The following STRN variants were observed in gnomAD, a reference collection of about 807,000 sequenced individuals.
The protein encoded by STRN is protein phosphatase 2 regulatory subunit B'''alpha.
In STRN, 53 loss-of-function variants were observed where a neutral mutation model predicts 96.3. The ratio of observed to expected loss-of-function variants is 0.55; its 90% CI spans 0.44 to 0.69. The LOEUF is 0.69. Ranked by LOEUF, STRN falls within the 30% of genes least tolerant of loss-of-function variation. STRN has a pLI of 0.00. For synonymous variants in STRN, 428 were observed against 355.9 expected (o/e 1.20, Z -2.28); for missense variants, 987 against 963.9 (o/e 1.02, Z -0.32).
At chr2:36,866,023 G>C (rs1344928327) in intron 12 of STRN, among the ~76,000 whole-genome samples, 1 of 152,092 alleles carries the variant, frequency 6.6e-6, no homozygotes, top group Non-Finnish European at 1.5e-5. Flanking sequence ...TCAGGAGCTG[G>C]TTAATTTCCA....
intron 2 of STRN, among the ~76,000 whole-genome samples, chr2:36,919,931 T>C (rs958982774): frequency 3.9e-5 from 6 of 152,226 alleles, no homozygotes; most frequent in African/African-American, 1.4e-4. Context: ...AATGCTTTGA[T>C]AAATCCACTG....
rs762068497 is a variant in STRN, at chr2:36,899,540, C to G, written c.778G>C (p.Val260Leu). 1 of 1,611,922 alleles carries G rather than the reference C, an allele frequency of 6.2e-7. No homozygotes were observed. The highest frequency in any genetic ancestry group is 8.5e-7 in the Non-Finnish European group (1 of 1,179,514). Residue 260 changes from valine to leucine, a missense_variant, in exon 6 of 18, where the codon GTC becomes CTC. Val to Leu is a conservative substitution (Grantham distance 32). Coordinates refer to ENST00000263918, the MANE Select transcript of STRN (RefSeq NM_003162.4). ...DDDVDGREKS[V>L]IDTSTIVRKK... ...TAACTCACTGTTGAAGTATCAATGA[C>G]GCTTTTCTCTCTTCCATCAACATCA...
At chr2:36,873,477 C>T (rs910717127) in intron 10 of STRN, among the ~76,000 whole-genome samples, 6 of 152,016 alleles carry the variant, frequency 3.9e-5, no homozygotes, top group African/African-American at 1.4e-4. Context: ...GGAGGAGAGC[C>T]TGAGCCCAGA....
Position 36,850,990 on chromosome 2 carries a change from A to C in STRN, c.2086+10T>G, listed in dbSNP as rs756829601. ...GCTTTAATAAAAATCAATTCTTAAT[A>C]AATTCTTACCTGTATTGTTATCATA... On this transcript the variant is annotated intron_variant, in intron 16 of 17. Transcript: ENST00000263918. The C allele has an allele frequency of 1.9e-6, 3 of 1,557,676 alleles. No individual in the cohort carries two copies. Among genetic ancestry groups the C allele is most frequent in the South Asian group, 1.2e-5 (1 of 82,508 alleles).
At position 36,849,424 on chromosome 2, in the gene STRN, A is replaced by G. The variant is rs753020881; in HGVS notation, c.*32T>C. Reference sequence around the variant, plus strand: ...CTCTTGTGTGCAGTTGATTACTTATAAACAGCTAGAAGGTGAAGATGATGC... The same window carrying G: ...CTCTTGTGTGCAGTTGATTACTTATGAACAGCTAGAAGGTGAAGATGATGC... On this transcript the variant is annotated 3_prime_UTR_variant, in exon 18 of 18. Coordinates refer to ENST00000263918, the MANE Select transcript of STRN (RefSeq NM_003162.4). 4.3e-6 allele frequency: 7 copies of G among 1,610,452 alleles called. No homozygotes were observed. Among genetic ancestry groups the G allele is most frequent in the Non-Finnish European group, 8.5e-7 (1 of 1,177,976 alleles).
chr2:36,953,396 A>C (rs1020482174), intron 1 of STRN, among the ~76,000 whole-genome samples: 2 of 149,494 alleles, frequency 1.3e-5, no homozygotes, highest in African/African-American at 4.9e-5. Context: ...TTATACAGAT[A>C]AGGTCCTTTT....
chr2:36,882,033 T>C (rs1669085361), intron 9 of STRN, among the ~76,000 whole-genome samples: 1 of 152,222 alleles, frequency 6.6e-6, no homozygotes. Flanking sequence ...TGTTGATTCT[T>C]TGTATGGGTA....
At chr2:36,930,419 G>A (rs771222147) in intron 1 of STRN, among the ~76,000 whole-genome samples, 7 of 149,316 alleles carry the variant, frequency 4.7e-5, no homozygotes, top group Non-Finnish European at 8.9e-5. Context: ...GCAACAGAGC[G>A]AGACTCCATC....
In STRN at chr2:36,964,358, A is replaced by ACCC. The variant is rs749903528; in HGVS notation, c.234+1871_234+1872insGGG. Among the ~76,000 whole-genome samples the ACCC allele has an allele frequency of 7.2e-5, 11 of 152,216 alleles. No individual in the cohort carries two copies. In the East Asian group the frequency reaches 7.7e-4, roughly 11 times the overall value. On this transcript the variant is annotated intron_variant, in intron 1 of 17. Transcript: ENST00000263918. ...TTAAATTTTAAGTAACTAATACAAAAATCATTCCCCACAACTGCACAACAT... is the reference window on the plus strand; with the variant it reads ...TTAAATTTTAAGTAACTAATACAAAACCCATCATTCCCCACAACTGCACAACAT...
chr2:36,882,854 G>C, intron 9 of STRN, among the ~76,000 whole-genome samples: 1 of 152,148 alleles, frequency 6.6e-6, no homozygotes, highest in East Asian at 1.9e-4. Context: ...ACCAGGCTCA[G>C]CCTAAATATG....
chr2:36,898,881 AGAGAGAG>A (rs1363688929), intron 6 of STRN, among the ~76,000 whole-genome samples: 7 of 152,068 alleles, frequency 4.6e-5, no homozygotes, highest in Non-Finnish European at 1.5e-5. Context: ...AGAAGGAAGG[AGAGAGAG>A]AAGGGAGAAG....
intron 11 of STRN, among the ~76,000 whole-genome samples, chr2:36,868,204 A>C (rs1668677375): frequency 6.6e-6 from 1 of 152,200 alleles, no homozygotes; most frequent in Non-Finnish European, 1.5e-5. Flanking sequence ...AACTTTAAGC[A>C]AATTATTTAA....
At chr2:36,900,038 G>A (rs1669643017) in intron 5 of STRN, among the ~76,000 whole-genome samples, 1 of 152,022 alleles carries the variant, frequency 6.6e-6, no homozygotes, top group Non-Finnish European at 1.5e-5. Flanking sequence ...ACAGGAGTGA[G>A]CCACCACACC....
chr2:36,891,522 CA>C (rs66993681), intron 7 of STRN, among the ~76,000 whole-genome samples: 4 of 149,124 alleles, frequency 2.7e-5, no homozygotes, highest in East Asian at 3.9e-4. Flanking sequence ...GAGACTCTGT[CA>C]AAAAAAAAAG....
chr2:36,929,382 C>T (rs1446079870), intron 1 of STRN, among the ~76,000 whole-genome samples: 2 of 151,610 alleles, frequency 1.3e-5, no homozygotes, highest in Non-Finnish European at 2.9e-5. Context: ...AAAGCCCCCC[C>T]ACCCCTTTTT....
Position 36,869,587 on chromosome 2 carries a change from A to C in STRN, c.1466T>G (p.Met489Arg), listed in dbSNP as rs1288409486. 1 of 1,587,230 alleles carries C rather than the reference A, an allele frequency of 6.3e-7. No individual in the cohort carries two copies. Among genetic ancestry groups the C allele is most frequent in the Non-Finnish European group, 8.6e-7 (1 of 1,166,616 alleles). The change falls in exon 11 of 18, where the codon ATG (methionine) becomes AGG (arginine). Residue 489 changes from methionine to arginine, a missense_variant. Coordinates refer to ENST00000263918, the MANE Select transcript of STRN (RefSeq NM_003162.4). Reference sequence around the variant, plus strand: ...TGGGGCTGTTTTCTGTAAATTCCACATTTTTAATGTGTGATCCTCTGATGC... The same window carrying C: ...TGGGGCTGTTTTCTGTAAATTCCACCTTTTTAATGTGTGATCCTCTGATGC... The part of the protein sequence containing the change: ...ITASEDHTLK[M>R]WNLQKTAPAK...
intron 10 of STRN, among the ~76,000 whole-genome samples, chr2:36,875,395 A>G (rs1668876779): frequency 6.7e-6 from 1 of 150,298 alleles, no homozygotes; most frequent in Non-Finnish European, 1.5e-5. Flanking sequence ...GGTCCCAGCT[A>G]CTTGGGAGGC....
intron 5 of STRN, among the ~76,000 whole-genome samples, chr2:36,901,547 G>A (rs1247398058): frequency 1.5e-3 from 83 of 55,296 alleles, no homozygotes; most frequent in East Asian, 5.4e-3. Context: ...GCGAGACTCC[G>A]CCTCAAAAAA....
intron 10 of STRN, among the ~76,000 whole-genome samples, chr2:36,870,987 C>T (rs1005024372): frequency 5.9e-5 from 9 of 151,860 alleles, no homozygotes; most frequent in African/African-American, 1.9e-4. Context: ...GTAAAATAAA[C>T]ATTAAAAATT....
Sources: allele counts gnomAD v4.1 joint callset (sites outside exome capture counted in the v4.1 genomes callset), GRCh38; gene constraint gnomAD v4.1.1; transcripts MANE v1.5; gene names NCBI Gene and HGNC (gene_info 2026-07-23, HGNC 2026-07-21).